The following CARMIL1 variants were observed in gnomAD, a reference collection of about 807,000 sequenced individuals.
CARMIL1 encodes capping protein regulator and myosin 1 linker 1.
Under a neutral mutation model 177.1 loss-of-function variants are expected in CARMIL1, and 90 were observed. The observed-to-expected ratio is 0.51, with a 90% confidence interval of 0.43 to 0.61. The LOEUF is 0.61. Ranked by LOEUF, CARMIL1 falls within the 20% of genes least tolerant of loss-of-function variation. CARMIL1 has a pLI of 0.00. For missense variants in CARMIL1, 1,380 were observed against 1,667.0 expected (o/e 0.83, Z 3.00); for synonymous variants, 577 against 606.2 (o/e 0.95, Z 0.71).
intron 2 of CARMIL1, among the ~76,000 whole-genome samples, chr6:25,344,846 T>C (rs80206583): frequency 0.082 from 12,430 of 152,228 alleles, 589 homozygotes; most frequent in Non-Finnish European, 0.1. Context: ...TATGAAATTT[T>C]CCCTCCCTTT....
chr6:25,492,104 A>T, intron 15 of CARMIL1, 80 bp downstream of exon 15: 1 of 1,187,132 alleles, frequency 8.4e-7, no homozygotes, highest in Non-Finnish European at 1.2e-6. Flanking sequence ...GAAAACAGTG[A>T]TAAAGGGTGA....
At chr6:25,464,313 C>G (rs1171970117) in intron 8 of CARMIL1, among the ~76,000 whole-genome samples, 1 of 152,012 alleles carries the variant, frequency 6.6e-6, no homozygotes, top group Non-Finnish European at 1.5e-5. Flanking sequence ...TGAAACTGCA[C>G]ACATGTGGTG....
chr6:25,497,025 G>GA (rs1562216774), intron 16 of CARMIL1, among the ~76,000 whole-genome samples: 1 of 152,180 alleles, frequency 6.6e-6, no homozygotes, highest in Non-Finnish European at 1.5e-5. Flanking sequence ...TTATTGGTGT[G>GA]AATGTTTGAT....
chr6:25,387,121 A>AAAAAAAAAAAAAAAAAAAAAAAAC (rs1792262253), intron 2 of CARMIL1, among the ~76,000 whole-genome samples: 1 of 151,658 alleles, frequency 6.6e-6, no homozygotes, highest in African/African-American at 2.4e-5. Context: ...CTCCAAAAAA[A>AAAAAAAAAAAAAAAAAAAAAAAAC]AAAAAAAAAA....
chr6:25,586,683 G>C (rs1057501896), intron 31 of CARMIL1, among the ~76,000 whole-genome samples: 1 of 152,162 alleles, frequency 6.6e-6, no homozygotes, highest in African/African-American at 2.4e-5. Flanking sequence ...TTGAGTGAGC[G>C]AGACTCCGTC....
intron 2 of CARMIL1, among the ~76,000 whole-genome samples, chr6:25,319,089 G>A (rs1353834833): frequency 3.3e-5 from 5 of 152,134 alleles, no homozygotes; most frequent in South Asian, 2.1e-4. Flanking sequence ...AGGAGCTGCC[G>A]TGTTTAAAAT....
At position 25,584,026 on chromosome 6, in the gene CARMIL1, C is replaced by CTTTTTTTTTTTTTTTTT. The variant is rs71544648; in HGVS notation, c.3006+2590_3006+2606dup. Among the ~76,000 whole-genome samples the CTTTTTTTTTTTTTTTTT allele has an allele frequency of 1.9e-4, 23 of 119,120 alleles. 1 individual carries two copies. Among genetic ancestry groups the CTTTTTTTTTTTTTTTTT allele is most frequent in the Admixed American group, 2.7e-4 (3 of 11,158 alleles). 78.1% of individuals were successfully genotyped at this position (119,120 alleles called of 152,430 possible). On this transcript the variant is annotated intron_variant, in intron 31 of 36. Coordinates refer to ENST00000329474, the MANE Select transcript of CARMIL1 (RefSeq NM_017640.6). Reference sequence around the variant, plus strand: ...TACTTTTATCTTTTCTTTTCTTTTTCTTTTTTTTTTTTTTTTTTTGAGACA... The same window carrying CTTTTTTTTTTTTTTTTT: ...TACTTTTATCTTTTCTTTTCTTTTTCTTTTTTTTTTTTTTTTTTTTTTTTTTTTTTTTTTTTGAGACA...
At chr6:25,413,895 G>A (rs577230926) in intron 2 of CARMIL1, among the ~76,000 whole-genome samples, 1 of 152,236 alleles carries the variant, frequency 6.6e-6, no homozygotes, top group East Asian at 1.9e-4. Flanking sequence ...CCTAGGAGAA[G>A]TTTCAATATC....
At chr6:25,354,211 G>A (rs949010780) in intron 2 of CARMIL1, among the ~76,000 whole-genome samples, 1 of 151,996 alleles carries the variant, frequency 6.6e-6, no homozygotes, top group Non-Finnish European at 1.5e-5. Flanking sequence ...CTAGGCTAGG[G>A]TGCAGTGATG....
intron 11 of CARMIL1, among the ~76,000 whole-genome samples, chr6:25,478,030 AT>A (rs142509743): frequency 2.7e-5 from 4 of 145,628 alleles, no homozygotes; most frequent in East Asian, 4.1e-4. Context: ...TAATTTTTAA[AT>A]TTTTTTTTGT....
chr6:25,345,107 C>A (rs1299473731), intron 2 of CARMIL1, among the ~76,000 whole-genome samples: 1 of 152,140 alleles, frequency 6.6e-6, no homozygotes, highest in Non-Finnish European at 1.5e-5. Context: ...ACTTCACTGG[C>A]ATTGTGCTTT....
chr6:25,334,752 A>G (rs1581600210), intron 2 of CARMIL1, among the ~76,000 whole-genome samples: 1 of 152,300 alleles, frequency 6.6e-6, no homozygotes, highest in Admixed American at 6.5e-5. Flanking sequence ...CTTCTGTGGC[A>G]GTCTACTAAG....
chr6:25,321,982 C>T (rs181283421), intron 2 of CARMIL1, among the ~76,000 whole-genome samples: 17 of 151,854 alleles, frequency 1.1e-4, no homozygotes, highest in African/African-American at 4.1e-4. Flanking sequence ...TTTAAAGAGA[C>T]CAGGTCACGC....
At chr6:25,491,905 C>T (rs1423671064) in intron 14 of CARMIL1, 43 bp from the exon 15 acceptor site, 1 of 1,588,114 alleles carries the variant, frequency 6.3e-7, no homozygotes, top group Non-Finnish European at 8.6e-7. Context: ...TTCTCCTGGA[C>T]CTAGAAATAC....
chr6:25,539,719 GAA>G (rs1044250597), intron 25 of CARMIL1, among the ~76,000 whole-genome samples: 9 of 149,056 alleles, frequency 6.0e-5, no homozygotes, highest in African/African-American at 2.0e-4. Flanking sequence ...TGGTCAATGT[GAA>G]AGTCTCCTAA....
intron 35 of CARMIL1, among the ~76,000 whole-genome samples, chr6:25,607,469 G>A (rs1000595058): frequency 3.9e-5 from 6 of 152,084 alleles, no homozygotes; most frequent in East Asian, 1.9e-4. Flanking sequence ...TCCATTTTAC[G>A]GATGAGGAAT....
At chr6:25,580,335 G>C (rs537200991) in intron 29 of CARMIL1, among the ~76,000 whole-genome samples, 2 of 152,266 alleles carry the variant, frequency 1.3e-5, no homozygotes, top group South Asian at 4.1e-4. Flanking sequence ...TTTGGCCCTT[G>C]GTTTGAGTTT....
intron 2 of CARMIL1, among the ~76,000 whole-genome samples, chr6:25,328,450 G>A (rs1785318471): frequency 1.3e-5 from 2 of 152,228 alleles, no homozygotes; most frequent in South Asian, 4.2e-4. Flanking sequence ...TGAGCTCTGT[G>A]GACATTTCAT....
chr6:25,304,895 CTGTT>C (rs1783145689), intron 2 of CARMIL1, among the ~76,000 whole-genome samples: 4 of 152,168 alleles, frequency 2.6e-5, no homozygotes, highest in Admixed American at 2.0e-4. Context: ...CCCTCAGTGA[CTGTT>C]TGGATTGGTT....
Sources: gnomAD v4.1 joint callset for allele counts (sites outside exome capture counted in the v4.1 genomes callset) on GRCh38, gnomAD v4.1.1 for gene constraint, MANE v1.5 for transcripts, NCBI Gene and HGNC (gene_info 2026-07-23, HGNC 2026-07-21) for gene names.